The following TRERF1 variants were observed in gnomAD, a reference collection of about 807,000 sequenced individuals.
TRERF1 encodes transcriptional-regulating factor 1.
In TRERF1, 27 loss-of-function variants were observed where a neutral mutation model predicts 122.9. The observed-to-expected ratio is 0.22, with a 90% CI of 0.16 to 0.30. The LOEUF (loss-of-function observed/expected upper bound fraction) is 0.30. Ranked by LOEUF, TRERF1 falls within the 10% of genes least tolerant of loss-of-function variation. The probability of loss-of-function intolerance (pLI) is 1.00; values close to 1 mark genes in which losing one functional copy is unlikely to be tolerated. For missense variants in TRERF1, 1,248 were observed against 1,560.3 expected (o/e 0.80, Z 3.37); for synonymous variants, 636 against 641.7 (o/e 0.99, Z 0.13).
rs2149830718 is a variant in TRERF1, at chr6:42,263,003, C to G, written c.1884+317G>C. ...ATGGCTATGATTGTCTCAGTGACTC[C>G]CAGCTGAATGATCGTCTCTGTTTAA... is the stretch of plus-strand genomic sequence containing the variant. On this transcript the variant is annotated intron_variant, in intron 8 of 17. Coordinates refer to ENST00000372922, the Ensembl canonical transcript of TRERF1. The surrounding 1 kb of genome is among the most constrained non-coding windows in gnomAD (Gnocchi z 5.6). 6.6e-6 allele frequency among the ~76,000 whole-genome samples: 1 copy of G among 152,298 alleles called. No individual in the cohort carries two copies. The highest frequency in any genetic ancestry group is 1.9e-4 in the East Asian group (1 of 5,188).
intron 2 of TRERF1, among the ~76,000 whole-genome samples, chr6:42,365,040 C>G (rs1322510627): frequency 1.3e-5 from 2 of 152,136 alleles, no homozygotes; most frequent in Non-Finnish European, 2.9e-5. Flanking sequence ...CAGGTGGGAA[C>G]CTGAGTGGGC....
intron 2 of TRERF1, among the ~76,000 whole-genome samples, chr6:42,421,218 C>T (rs960985678): frequency 7.2e-5 from 11 of 152,198 alleles, no homozygotes; most frequent in African/African-American, 2.7e-4. Context: ...CCATAGTAGT[C>T]TAAGTGATCA....
intron 4 of TRERF1, among the ~76,000 whole-genome samples, chr6:42,289,026 T>G (rs1783813141): frequency 1.4e-5 from 2 of 147,362 alleles, no homozygotes; most frequent in Non-Finnish European, 3.0e-5. Flanking sequence ...TATTTCTATT[T>G]TGAAAGTTTG....
chr6:42,428,286 T>C (rs1456261428), intron 2 of TRERF1, among the ~76,000 whole-genome samples: 1 of 152,246 alleles, frequency 6.6e-6, no homozygotes, highest in East Asian at 1.9e-4. Context: ...ACCATCTGCA[T>C]TATAATGTAA....
intron 2 of TRERF1, among the ~76,000 whole-genome samples, chr6:42,377,971 A>T (rs921577998): frequency 6.6e-6 from 1 of 152,178 alleles, no homozygotes; most frequent in African/African-American, 2.4e-5. Flanking sequence ...ATGATTTTTA[A>T]TCAAGAGGCC....
intron 2 of TRERF1, among the ~76,000 whole-genome samples, chr6:42,401,867 A>T (rs915767427): frequency 8.5e-5 from 13 of 152,242 alleles, no homozygotes; most frequent in African/African-American, 3.1e-4. Context: ...TCATTTCTTG[A>T]AAAGAAAACC....
rs187298301 is a variant in TRERF1 at position 42,261,904 on chromosome 6, C to T, written c.1884+1416G>A. On this transcript the variant is annotated intron_variant, in intron 8 of 17. Coordinates refer to ENST00000372922, the Ensembl canonical transcript of TRERF1. ...CCCAGTCCATAATGACTTTGGCTAC[C>T]CAGGTGTATTCTCATCCAGTCACAC... 3.8e-4 allele frequency among the ~76,000 whole-genome samples: 58 copies of T among 152,236 alleles called. 1 individual carries two copies. The highest frequency in any genetic ancestry group is 1.1e-3 in the African/African-American group (47 of 41,522).
chr6:42,268,997 A>G lies in TRERF1; in HGVS notation c.594T>C (p.Pro198=), dbSNP rs1237406341. ...GCTGGGGCACCTGCTGGTAGCGGGAAGGGATAGCCGGTGCTGGGGGCTCCA... is the reference window on the plus strand; with the variant it reads ...GCTGGGGCACCTGCTGGTAGCGGGAGGGGATAGCCGGTGCTGGGGGCTCCA... The change falls in exon 5 of 18, where the codon CCT becomes CCC. Residue 198 remains proline, a synonymous_variant. Transcript: ENST00000372922. The surrounding 1 kb of genome is among the most constrained non-coding windows in gnomAD (Gnocchi z 4.4). The G allele has an allele frequency of 1.2e-6, 2 of 1,612,650 alleles. No homozygotes were observed. The highest frequency in any genetic ancestry group is 1.7e-6 in the Non-Finnish European group (2 of 1,178,984).
chr6:42,299,140 A>ATCTACG (rs1561939079), intron 4 of TRERF1, among the ~76,000 whole-genome samples: 3 of 111,518 alleles, frequency 2.7e-5, no homozygotes, highest in African/African-American at 1.3e-4. Flanking sequence ...CTATCTACAT[A>ATCTACG]TATATATATA....
intron 9 of TRERF1, among the ~76,000 whole-genome samples, chr6:42,258,577 A>G (rs528656333): frequency 3.9e-5 from 6 of 152,336 alleles, no homozygotes; most frequent in African/African-American, 1.2e-4. Flanking sequence ...TCTACTGAGT[A>G]CATTTTCTTT....
At chr6:42,381,297 G>A (rs1452304853) in intron 2 of TRERF1, among the ~76,000 whole-genome samples, 2 of 150,916 alleles carry the variant, frequency 1.3e-5, no homozygotes, top group African/African-American at 4.9e-5. Flanking sequence ...CCCATAAGGC[G>A]TCTCAGTATT....
chr6:42,306,406 A>G (rs566185360), intron 3 of TRERF1, among the ~76,000 whole-genome samples: 1 of 152,180 alleles, frequency 6.6e-6, no homozygotes, highest in Admixed American at 6.5e-5. Context: ...CCATGATGGG[A>G]TATAGGCAGA....
chr6:42,338,939 C>A (rs1766722317), intron 3 of TRERF1, among the ~76,000 whole-genome samples: 1 of 152,148 alleles, frequency 6.6e-6, no homozygotes, highest in African/African-American at 2.4e-5. Context: ...ACTAACCCAC[C>A]AGTAATCCCT....
intron 4 of TRERF1, among the ~76,000 whole-genome samples, chr6:42,274,068 G>A (rs1206780125): frequency 6.6e-6 from 1 of 152,222 alleles, no homozygotes; most frequent in Non-Finnish European, 1.5e-5. Flanking sequence ...CAGAACCCTA[G>A]ATGGAACCCT....
At chr6:42,444,080 C>T (rs1474831811) in intron 2 of TRERF1, among the ~76,000 whole-genome samples, 1 of 151,946 alleles carries the variant, frequency 6.6e-6, no homozygotes, top group Admixed American at 6.6e-5. Flanking sequence ...TCCTTTTCCA[C>T]CCACCTCCCA....
chr6:42,361,304 G>T lies in TRERF1; in HGVS notation c.-371+1693C>A, dbSNP rs540353621. ...AGAACTGTGAGAAATATGATTTGTTGGTGGTTATAAGCCTCCACATCTATG... is the reference window on the plus strand; with the variant it reads ...AGAACTGTGAGAAATATGATTTGTTTGTGGTTATAAGCCTCCACATCTATG... On this transcript the variant is annotated intron_variant, in intron 3 of 17. Coordinates refer to ENST00000372922, the Ensembl canonical transcript of TRERF1. Among the ~76,000 whole-genome samples the T allele has an allele frequency of 2.0e-5, 3 of 152,294 alleles. No individual in the cohort carries two copies. The South Asian group carries it at 6.2e-4, about 32-fold the overall frequency.
At position 42,269,200 on chromosome 6, in the gene TRERF1, G is replaced by A. The variant is rs1462850773; in HGVS notation, c.391C>T (p.Arg131Trp). The A allele has an allele frequency of 1.9e-6, 3 of 1,614,202 alleles. No individual in the cohort carries two copies. The highest frequency in any genetic ancestry group is 1.3e-5 in the African/African-American group (1 of 75,034). Residue 131 changes from arginine to tryptophan, a missense_variant, in exon 5 of 18, where the codon CGG becomes TGG. Around this residue, in one of 5 missense-constraint regions of TRERF1, gnomAD observed 946 missense variants for 1,073.0 expected, o/e 0.88. Transcript: ENST00000372922. This position sits in a 1 kb window ranked among gnomAD's most constrained non-coding sequence, Gnocchi z 4.9. ...ACACCGCTGGTAAGCTTCTGGGTCC[G>A]GATCTCGCTGGCCTGGGAGTAGGTG... is the stretch of plus-strand genomic sequence containing the variant.
chr6:42,393,185 G>A lies in TRERF1; in HGVS notation c.-453-30106C>T, dbSNP rs552578985. On this transcript the variant is annotated intron_variant, in intron 2 of 17. Transcript: ENST00000372922. This position sits in a 1 kb window ranked among gnomAD's most constrained non-coding sequence, Gnocchi z 4.1. The stretch of plus-strand genomic sequence containing the variant: ...GTCAGTGCTAACAACCAGCATCTTT[G>A]TAGTACTTCAGGTTACAAAGCACAT... Among the ~76,000 whole-genome samples, 26 of 152,334 alleles carry A rather than the reference G, an allele frequency of 1.7e-4. No homozygotes were observed. The highest frequency in any genetic ancestry group is 1.5e-3 in the Admixed American group (23 of 15,308).
intron 15 of TRERF1, among the ~76,000 whole-genome samples, chr6:42,241,407 T>C (rs554706567): frequency 6.6e-6 from 1 of 152,306 alleles, no homozygotes; most frequent in East Asian, 1.9e-4. Context: ...TGTATGTATA[T>C]TTCATAGCTA....
Sources: allele counts gnomAD v4.1 joint callset (sites outside exome capture counted in the v4.1 genomes callset), GRCh38; gene constraint gnomAD v4.1.1; regional missense constraint gnomAD v4.1.1; non-coding constraint Gnocchi (gnomAD v3.1); transcripts MANE v1.5; gene names NCBI Gene and HGNC (gene_info 2026-07-23, HGNC 2026-07-21).